Variants in CYFIP2 observed in about 807,000 individuals in gnomAD.
The protein encoded by CYFIP2 is cytoplasmic FMR1 interacting protein 2.
CYFIP2 carries 29 observed loss-of-function variants against 158.7 expected under a neutral mutation model. That is an observed-to-expected ratio of 0.18 (90% confidence interval 0.14 to 0.25). The LOEUF (loss-of-function observed/expected upper bound fraction) is 0.25, where lower values mean the gene tolerates loss of function less well. Among genes scored for constraint, CYFIP2 ranks in the 10% least tolerant of loss-of-function variants. The pLI is 1.00. For missense variants in CYFIP2, 852 were observed against 1,639.5 expected (o/e 0.52, Z 8.29); for synonymous variants, 585 against 617.6 (o/e 0.95, Z 0.78).
At chr5:157,377,354 C>T (rs1481553516) in intron 26 of CYFIP2, among the ~76,000 whole-genome samples, 2 of 152,110 alleles carry the variant, frequency 1.3e-5, no homozygotes, top group Non-Finnish European at 2.9e-5. Context: ...CCTACTGTGG[C>T]CTCTTGCTTT....
chr5:157,303,644 G>A (rs142124578), intron 7 of CYFIP2, among the ~76,000 whole-genome samples: 3 of 152,286 alleles, frequency 2.0e-5, no homozygotes, highest in African/African-American at 4.8e-5. Context: ...CAGTAACTGA[G>A]GCCTCAGGTT....
At chr5:157,318,738 G>A (rs1180530300) in intron 13 of CYFIP2, among the ~76,000 whole-genome samples, 1 of 152,232 alleles carries the variant, frequency 6.6e-6, no homozygotes, top group East Asian at 1.9e-4. Flanking sequence ...GCCCTGTCCT[G>A]TGTATTTCCA....
At chr5:157,371,374 T>C (rs1287664934) in intron 26 of CYFIP2, among the ~76,000 whole-genome samples, 1 of 152,182 alleles carries the variant, frequency 6.6e-6, no homozygotes, top group Non-Finnish European at 1.5e-5. Context: ...ATTAGTGTTA[T>C]TTGTCTTTTT....
chr5:157,371,545 T>G (rs527830928), intron 26 of CYFIP2, among the ~76,000 whole-genome samples: 3 of 152,286 alleles, frequency 2.0e-5, no homozygotes, highest in South Asian at 2.1e-4. Context: ...TAGGATCATA[T>G]TGAATCTTTT....
At chr5:157,328,181 G>A (rs1377238510) in intron 19 of CYFIP2, 132 bp downstream of exon 19, 1 of 827,022 alleles carries the variant, frequency 1.2e-6, no homozygotes, top group African/African-American at 1.7e-5. Context: ...ACCCGGACTG[G>A]GTGCTGAGAT....
At position 157,296,603 on chromosome 5, in the gene CYFIP2, A is replaced by G. The variant is rs1231597016; in HGVS notation, c.286-70A>G. On this transcript the variant is annotated intron_variant, in intron 4 of 30. Transcript: ENST00000620254. Reference sequence around the variant, plus strand: ...AGCAAGACCCTGTCTCAAAAACAAAACAAAACAAAAAACAGTAATAAGACA... The same window carrying G: ...AGCAAGACCCTGTCTCAAAAACAAAGCAAAACAAAAAACAGTAATAAGACA... 4 of 1,470,798 alleles carry G rather than the reference A, an allele frequency of 2.7e-6. No individual in the cohort carries two copies. In the African/African-American group the frequency reaches 5.6e-5, roughly 20 times the overall value. The allele number at this position is 1,470,798 out of a possible 1,614,324, so 91.1% of individuals were successfully genotyped here. A position where few individuals can be genotyped will look rare whatever the true frequency, so the allele number is the denominator to read the frequency against.
At chr5:157,350,834 G>C (rs1763019505) in intron 23 of CYFIP2, among the ~76,000 whole-genome samples, 2 of 152,136 alleles carry the variant, frequency 1.3e-5, no homozygotes, top group Non-Finnish European at 2.9e-5. Context: ...TCCTTGTAGA[G>C]GTCTTTCACC....
At chr5:157,278,403 A>G (rs533850067) in intron 1 of CYFIP2, among the ~76,000 whole-genome samples, 6 of 152,298 alleles carry the variant, frequency 3.9e-5, no homozygotes, top group South Asian at 4.1e-4. Context: ...CAAACTGGGA[A>G]AAAAATATGT....
intron 19 of CYFIP2, among the ~76,000 whole-genome samples, chr5:157,328,718 C>T (rs73815836): frequency 0.01 from 1,539 of 152,194 alleles, 34 homozygotes; most frequent in African/African-American, 0.035. Flanking sequence ...TGACCCGATT[C>T]GATTTTTATT....
intron 7 of CYFIP2, among the ~76,000 whole-genome samples, chr5:157,303,608 C>G (rs1422302069): frequency 2.6e-5 from 4 of 152,156 alleles, no homozygotes; most frequent in Non-Finnish European, 4.4e-5. Flanking sequence ...GCCCTTGCCA[C>G]TCTTTGTTAA....
At chr5:157,314,947 G>C in intron 12 of CYFIP2, 22 bp from the exon 13 acceptor site, 1 of 1,546,704 alleles carries the variant, frequency 6.5e-7, no homozygotes, top group Non-Finnish European at 8.8e-7. Context: ...ATGGACGTTT[G>C]GTTTGTTCCC....
rs558146665 is a variant in CYFIP2 at position 157,312,734 on chromosome 5, C to T, written c.1110+953C>T. ...AGGCCTCGTGGCCATTAGACCATGA[C>T]TTGTGGTCATTAGACTTGTGGCCCA... On this transcript the variant is annotated intron_variant, in intron 11 of 30. Coordinates refer to ENST00000620254, the MANE Select transcript of CYFIP2 (RefSeq NM_001037333.3). Among the ~76,000 whole-genome samples, 43 of 152,348 alleles carry T rather than the reference C, an allele frequency of 2.8e-4. No homozygotes were observed. In the South Asian group the frequency reaches 5.0e-3, roughly 18 times the overall value.
intron 3 of CYFIP2, among the ~76,000 whole-genome samples, 160 bp from the exon 4 acceptor site, chr5:157,294,623 C>T (rs1758101146): frequency 6.6e-6 from 1 of 152,096 alleles, no homozygotes; most frequent in Non-Finnish European, 1.5e-5. Flanking sequence ...TGCATAGGCC[C>T]AGGGAGGGAC....
At chr5:157,331,944 G>C (rs562797667) in intron 20 of CYFIP2, among the ~76,000 whole-genome samples, 1 of 152,172 alleles carries the variant, frequency 6.6e-6, no homozygotes, top group Non-Finnish European at 1.5e-5. Flanking sequence ...TAATGCCCGC[G>C]TGTACCCCAG....
chr5:157,388,150 C>A (rs566992026), intron 28 of CYFIP2, among the ~76,000 whole-genome samples: 2 of 152,344 alleles, frequency 1.3e-5, no homozygotes, highest in African/African-American at 4.8e-5. Context: ...GCTTTGTTCA[C>A]AGATTTGGAG....
At chr5:157,387,861 ATTTCTTTCAG>A (rs1187216470) in intron 28 of CYFIP2, among the ~76,000 whole-genome samples, 1 of 151,980 alleles carries the variant, frequency 6.6e-6, no homozygotes, top group African/African-American at 2.4e-5. Context: ...TTTTTCCTAG[ATTTCTTTCAG>A]TTGGTAGTTG....
intron 16 of CYFIP2, among the ~76,000 whole-genome samples, chr5:157,324,356 C>T (rs745877881): frequency 7.9e-5 from 12 of 152,298 alleles, no homozygotes; most frequent in Middle Eastern, 3.4e-3. Flanking sequence ...AACAAGAATA[C>T]GTACATACAG....
At chr5:157,342,893 GGGTCA>G (rs1178690438) in intron 23 of CYFIP2, 7 of 1,613,836 alleles carry the variant, frequency 4.3e-6, no homozygotes, top group Non-Finnish European at 5.1e-6. Flanking sequence ...TATAGCGGGT[GGGTCA>G]CCACCCCCCC....
At chr5:157,385,953 C>G (rs1766639401) in intron 28 of CYFIP2, among the ~76,000 whole-genome samples, 1 of 152,022 alleles carries the variant, frequency 6.6e-6, no homozygotes, top group African/African-American at 2.4e-5. Flanking sequence ...TTAAACACTC[C>G]CCTCCCTACA....
Sources: gnomAD v4.1 joint callset for allele counts (sites outside exome capture counted in the v4.1 genomes callset) on GRCh38, gnomAD v4.1.1 for gene constraint, MANE v1.5 for transcripts, NCBI Gene and HGNC (gene_info 2026-07-23, HGNC 2026-07-21) for gene names.